Variants in ATP9B observed in about 807,000 individuals in gnomAD.
ATP9B encodes ATPase phospholipid transporting 9B.
In ATP9B, 110 loss-of-function variants were observed where a neutral mutation model predicts 146.1. That is an observed-to-expected ratio of 0.75 (90% confidence interval 0.65 to 0.88). ATP9B has a LOEUF of 0.88. ATP9B is among the 40% of genes least tolerant of loss of function. ATP9B has a pLI of 0.00. For missense variants in ATP9B, 1,499 were observed against 1,496.4 expected (o/e 1.00, Z -0.03); for synonymous variants, 604 against 569.7 (o/e 1.06, Z -0.86).
At chr18:79,219,950 T>A (rs370666736) in intron 11 of ATP9B, among the ~76,000 whole-genome samples, 16 of 152,304 alleles carry the variant, frequency 1.1e-4, no homozygotes, top group African/African-American at 3.6e-4. Flanking sequence ...ATGTGAAGGA[T>A]CCAGCTGTTG....
At chr18:79,113,558 A>G (rs2094010647) in intron 4 of ATP9B, among the ~76,000 whole-genome samples, 1 of 152,158 alleles carries the variant, frequency 6.6e-6, no homozygotes, top group East Asian at 1.9e-4. Flanking sequence ...CTGCCTGTAG[A>G]GCTGCCAAAG....
intron 8 of ATP9B, among the ~76,000 whole-genome samples, chr18:79,185,233 T>C (rs2095296258): frequency 6.6e-6 from 1 of 152,202 alleles, no homozygotes; most frequent in Non-Finnish European, 1.5e-5. Flanking sequence ...TGCATGGAAA[T>C]CACACCTTAT....
At chr18:79,346,166 G>A (rs964834476) in intron 23 of ATP9B, among the ~76,000 whole-genome samples, 1 of 140,386 alleles carries the variant, frequency 7.1e-6, no homozygotes, top group African/African-American at 2.7e-5. Flanking sequence ...CACGGTCAGC[G>A]CACATCAGCA....
chr18:79,314,409 T>C (rs1394318557), intron 15 of ATP9B, among the ~76,000 whole-genome samples: 1 of 152,242 alleles, frequency 6.6e-6, no homozygotes, highest in Non-Finnish European at 1.5e-5. Flanking sequence ...TACCTACACA[T>C]GTGCATAGAT....
chr18:79,189,996 G>C (rs892988139), intron 8 of ATP9B, among the ~76,000 whole-genome samples: 1 of 152,212 alleles, frequency 6.6e-6, no homozygotes, highest in Non-Finnish European at 1.5e-5. Context: ...ACAGAGGTCA[G>C]TGGTGCCGCA....
intron 15 of ATP9B, among the ~76,000 whole-genome samples, chr18:79,313,386 G>A (rs996391566): frequency 2.0e-5 from 3 of 152,148 alleles, no homozygotes; most frequent in African/African-American, 7.2e-5. Flanking sequence ...GAGGAAGCAA[G>A]CCCCCATATT....
rs1600081180 is a variant in ATP9B at position 79,329,427 on chromosome 18, TTTG to T, written c.1935+128_1935+130del. 7.2e-5 allele frequency: 83 copies of T among 1,151,696 alleles called. No individual in the cohort carries two copies. The East Asian group carries it at 1.7e-3, about 23-fold the overall frequency. The allele number at this position is 1,151,696 out of a possible 1,614,324, so 71.3% of individuals were successfully genotyped here. A position where few individuals can be genotyped will look rare whatever the true frequency, so the allele number is the denominator to read the frequency against. ...GGTGCTTTATGCTGTTACAGTTTTG[TTTG>T]TTTTTTTTTTTTAATGAAATCTAAG... On this transcript the variant is annotated intron_variant, in intron 16 of 29. Coordinates refer to ENST00000426216, the MANE Select transcript of ATP9B (RefSeq NM_198531.5).
At chr18:79,092,595 T>G (rs2074422945) in intron 1 of ATP9B, among the ~76,000 whole-genome samples, 1 of 151,920 alleles carries the variant, frequency 6.6e-6, no homozygotes, top group Non-Finnish European at 1.5e-5. Flanking sequence ...ATATTCTAAT[T>G]CTATATGCTT....
At chr18:79,329,039 C>G in intron 15 of ATP9B, 102 bp from the exon 16 acceptor site, 1 of 1,241,964 alleles carries the variant, frequency 8.1e-7, no homozygotes, top group Non-Finnish European at 1.1e-6. Context: ...TCTTCTGCAG[C>G]TGTCTCATGT....
chr18:79,256,870 T>G (rs2096087079), intron 12 of ATP9B, among the ~76,000 whole-genome samples: 1 of 152,220 alleles, frequency 6.6e-6, no homozygotes, highest in Non-Finnish European at 1.5e-5. Context: ...TCCTACATAT[T>G]CTTGATCAGT....
At chr18:79,255,744 T>C (rs1043254573) in intron 12 of ATP9B, among the ~76,000 whole-genome samples, 1 of 152,142 alleles carries the variant, frequency 6.6e-6, no homozygotes, top group African/African-American at 2.4e-5. Flanking sequence ...TCTCAGTAGC[T>C]CCACGTAAGG....
chr18:79,290,447 C>A (rs926123715), intron 13 of ATP9B, among the ~76,000 whole-genome samples: 1 of 152,178 alleles, frequency 6.6e-6, no homozygotes, highest in Non-Finnish European at 1.5e-5. Context: ...TCATGGTGCG[C>A]CCTTTTTTAA....
chr18:79,156,335 A>G (rs1302081097), intron 7 of ATP9B, among the ~76,000 whole-genome samples: 1 of 152,166 alleles, frequency 6.6e-6, no homozygotes, highest in African/African-American at 2.4e-5. Context: ...ACTCTGGCCA[A>G]AGAGGGAGAG....
At chr18:79,210,116 A>G (rs1474371752) in intron 10 of ATP9B, among the ~76,000 whole-genome samples, 1 of 152,202 alleles carries the variant, frequency 6.6e-6, no homozygotes, top group Non-Finnish European at 1.5e-5. Context: ...GAGCCAAGGC[A>G]GGACACAGAG....
chr18:79,200,762 C>CTGTCGGGGTCA (rs376428579), intron 9 of ATP9B, among the ~76,000 whole-genome samples: 1 of 26,788 alleles, frequency 3.7e-5, no homozygotes, highest in Non-Finnish European at 8.8e-5. Context: ...GAGGTGGGAA[C>CTGTCGGGGTCA]GTTGGGGTCA....
chr18:79,133,186 C>A (rs903229205), intron 5 of ATP9B, among the ~76,000 whole-genome samples: 1 of 152,136 alleles, frequency 6.6e-6, no homozygotes, highest in Non-Finnish European at 1.5e-5. Context: ...GCCACCATGC[C>A]CAGCCTTTCT....
intron 20 of ATP9B, 147 bp from the exon 21 acceptor site, chr18:79,344,118 C>A: frequency 1.4e-6 from 1 of 721,166 alleles, no homozygotes; most frequent in Non-Finnish European, 2.4e-6. Context: ...AAAGGACCTT[C>A]TTCCGGGTCC....
chr18:79,075,314 A>G (rs1367797724), intron 1 of ATP9B, among the ~76,000 whole-genome samples: 1 of 152,206 alleles, frequency 6.6e-6, no homozygotes. Flanking sequence ...AACATGCCCA[A>G]CTAATTTTTT....
intron 8 of ATP9B, among the ~76,000 whole-genome samples, chr18:79,180,987 T>C (rs1375712615): frequency 7.2e-5 from 11 of 151,732 alleles, no homozygotes; most frequent in Admixed American, 7.2e-4. Context: ...TTTTTTTTTT[T>C]TTAAGTGGAG....
Sources: allele counts gnomAD v4.1 joint callset (sites outside exome capture counted in the v4.1 genomes callset), GRCh38; gene constraint gnomAD v4.1.1; transcripts MANE v1.5; gene names NCBI Gene and HGNC (gene_info 2026-07-23, HGNC 2026-07-21).